Variants in TMEM236 observed in about 807,000 individuals in gnomAD.
TMEM236 encodes transmembrane protein 236.
In TMEM236, 11 loss-of-function variants were observed where a neutral mutation model predicts 14.7. The ratio of observed to expected loss-of-function variants is 0.75; its 90% CI spans 0.47 to 1.24. TMEM236 has a LOEUF of 1.24. Among genes scored for constraint, TMEM236 ranks in the 50% most tolerant of loss-of-function variants. The pLI, the probability that TMEM236 is intolerant of heterozygous loss-of-function variation, is 0.00. For synonymous variants in TMEM236, 182 were observed against 168.6 expected (o/e 1.08, Z -0.62); for missense variants, 464 against 427.3 (o/e 1.09, Z -0.76).
At chr10:17,761,828 G>C (rs941794055) in intron 1 of TMEM236, among the ~76,000 whole-genome samples, 7 of 151,832 alleles carry the variant, frequency 4.6e-5, no homozygotes, top group Admixed American at 3.3e-4. Flanking sequence ...AACTCTTACT[G>C]TTCGTCTTCA....
At chr10:17,786,406 T>G (rs1356937557) in intron 3 of TMEM236, among the ~76,000 whole-genome samples, 2 of 152,240 alleles carry the variant, frequency 1.3e-5, no homozygotes, top group African/African-American at 4.8e-5. Context: ...TTGTCCATGC[T>G]GGAGGGCAGT....
chr10:17,779,026 C>T (rs2436682), intron 3 of TMEM236, among the ~76,000 whole-genome samples: 105,552 of 151,936 alleles, frequency 0.69, 36,587 homozygotes, highest in East Asian at 0.79. Flanking sequence ...CTCTGTAGCA[C>T]GGCAGTCTCA....
chr10:17,752,327 T>A lies in TMEM236; in HGVS notation c.32T>A (p.Val11Asp). The A allele has an allele frequency of 6.2e-7, 1 of 1,613,798 alleles. No homozygotes were observed. The highest frequency in any genetic ancestry group is 8.5e-7 in the Non-Finnish European group (1 of 1,179,810). The change falls in exon 1 of 4, where the codon GTT (valine) becomes GAT (aspartate). Residue 11 changes from valine to aspartate, a missense_variant. Physicochemically the swap from Val to Asp is radical, Grantham distance 152. Coordinates refer to ENST00000377495, the MANE Select transcript of TMEM236 (RefSeq NM_001098844.3). ...TCTGGAAGGCTCATTAAGTTCGTGG[T>A]TTTTGAGCTCCTAGAGTTTGCCGCT... Reference protein sequence around the residue: MASGRLIKFVVFELLEFAAFS... With the variant: MASGRLIKFVDFELLEFAAFS...
At chr10:17,783,683 C>G (rs890440783) in intron 3 of TMEM236, among the ~76,000 whole-genome samples, 7 of 152,174 alleles carry the variant, frequency 4.6e-5, no homozygotes, top group Non-Finnish European at 8.8e-5. Flanking sequence ...AAATTGCTCC[C>G]TCTAAAGAAC....
chr10:17,763,210 G>C (rs1235671745), intron 1 of TMEM236, among the ~76,000 whole-genome samples: 1 of 152,120 alleles, frequency 6.6e-6, no homozygotes, highest in East Asian at 1.9e-4. Context: ...GCACAGACTT[G>C]GTAGGCTGAG....
At chr10:17,763,861 T>C (rs1413547388) in intron 1 of TMEM236, among the ~76,000 whole-genome samples, 3 of 152,122 alleles carry the variant, frequency 2.0e-5, no homozygotes, top group African/African-American at 7.2e-5. Flanking sequence ...ATCTTTCACT[T>C]CCCAGCCACA....
At chr10:17,793,490 T>G (rs1012129496) in intron 3 of TMEM236, among the ~76,000 whole-genome samples, 27,467 of 152,148 alleles carry the variant, frequency 0.18, 3,087 homozygotes, top group Non-Finnish European at 0.24. Context: ...CATTTTTATT[T>G]ATTTTATTTT....
At chr10:17,774,880 C>T (rs887267864) in intron 2 of TMEM236, among the ~76,000 whole-genome samples, 9,957 of 151,602 alleles carry the variant, frequency 0.066, 365 homozygotes, top group Non-Finnish European at 0.081. Context: ...TCACTGCGAC[C>T]TCTGCCTCCT....
chr10:17,785,342 G>T (rs1004693550), intron 3 of TMEM236, among the ~76,000 whole-genome samples: 1 of 152,044 alleles, frequency 6.6e-6, no homozygotes, highest in South Asian at 2.1e-4. Flanking sequence ...TTAAAGCTCC[G>T]CCATAGATTA....
At chr10:17,761,510 T>A (rs1485585640) in intron 1 of TMEM236, among the ~76,000 whole-genome samples, 1 of 151,952 alleles carries the variant, frequency 6.6e-6, no homozygotes, top group Non-Finnish European at 1.5e-5. Flanking sequence ...CTGGCCAACA[T>A]GGTGGAACCC....
rs896663809 is a variant in TMEM236, at chr10:17,796,149, G to A, written c.701G>A (p.Arg234Gln). 14 of 1,613,774 alleles carry A rather than the reference G, an allele frequency of 8.7e-6. 1 individual carries two copies. The highest frequency in any genetic ancestry group is 3.3e-5 in the Admixed American group (2 of 59,982). Residue 234 changes from arginine (R) to glutamine (Q), a missense_variant, in exon 4 of 4, where the codon CGG becomes CAG. By Grantham distance (43) the Arg-to-Gln change is conservative. Transcript: ENST00000377495. ...ILRMMSRRDV[R>Q]AELFLWSFLL... Reference sequence around the variant, plus strand: ...AGAATGATGTCCCGGCGAGATGTCCGGGCAGAGTTATTCTTATGGAGCTTT... The same window carrying A: ...AGAATGATGTCCCGGCGAGATGTCCAGGCAGAGTTATTCTTATGGAGCTTT...
intron 2 of TMEM236, among the ~76,000 whole-genome samples, chr10:17,772,799 C>G (rs1837594649): frequency 6.6e-6 from 1 of 152,100 alleles, no homozygotes; most frequent in Admixed American, 6.5e-5. Context: ...GTATCAGAAA[C>G]CCATTGCTTG....
intron 2 of TMEM236, among the ~76,000 whole-genome samples, chr10:17,773,300 A>T (rs1411012367): frequency 6.6e-6 from 1 of 152,182 alleles, no homozygotes; most frequent in Admixed American, 6.5e-5. Context: ...TATAGAACTC[A>T]CCAGCAGAGA....
rs537094119 is a variant in TMEM236, at chr10:17,760,167, G to A, written c.257+7615G>A. Among the ~76,000 whole-genome samples the A allele has an allele frequency of 2.3e-3, 357 of 152,088 alleles. 1 individual carries two copies. The highest frequency in any genetic ancestry group is 4.6e-3 in the Non-Finnish European group (314 of 67,994). On this transcript the variant is annotated intron_variant, in intron 1 of 3. Coordinates refer to ENST00000377495, the MANE Select transcript of TMEM236 (RefSeq NM_001098844.3). ...CAGCACCTCTGAGAGATCATTAATT[G>A]GTAAGACCCCATTAACTAAACACTG...
rs1838050369 is a variant in TMEM236, at chr10:17,798,519, A to T, written c.*2015A>T. ...ATGCCACTGCACTCCAGACTGGGCA[A>T]CAGAGTGACACCCATCTAAAAAAAA... is the stretch of plus-strand genomic sequence containing the variant. On this transcript the variant is annotated 3_prime_UTR_variant, in exon 4 of 4. Transcript: ENST00000377495. 1.9e-6 allele frequency: 1 copy of T among 532,616 alleles called. No homozygotes were observed. Among genetic ancestry groups the T allele is most frequent in the Non-Finnish European group, 3.9e-6 (1 of 259,232 alleles). The allele number at this position is 532,616 out of a possible 1,614,324, so 33.0% of individuals were successfully genotyped here.
chr10:17,753,607 G>A (rs982477829), intron 1 of TMEM236, among the ~76,000 whole-genome samples: 1 of 152,152 alleles, frequency 6.6e-6, no homozygotes, highest in Non-Finnish European at 1.5e-5. Context: ...CATAGCATTC[G>A]ATAAAGTATA....
chr10:17,755,157 G>T lies in TMEM236; in HGVS notation c.257+2605G>T, dbSNP rs887793387. 4.9e-4 allele frequency among the ~76,000 whole-genome samples: 74 copies of T among 150,918 alleles called. 1 individual carries two copies. The highest frequency in any genetic ancestry group is 1.6e-3 in the African/African-American group (67 of 40,992). On this transcript the variant is annotated intron_variant, in intron 1 of 3. Transcript: ENST00000377495. ...ATAGAGACAGGGTTTCTTCATGTTGGCCATGCTGGTCTTGAATTCCTGACC... is the reference window on the plus strand; with the variant it reads ...ATAGAGACAGGGTTTCTTCATGTTGTCCATGCTGGTCTTGAATTCCTGACC...
intron 1 of TMEM236, among the ~76,000 whole-genome samples, chr10:17,763,851 A>G (rs1052167042): frequency 1.3e-5 from 2 of 152,200 alleles, no homozygotes; most frequent in East Asian, 3.9e-4. Flanking sequence ...ATTAGAATTC[A>G]TCTTTCACTT....
At chr10:17,775,621 C>T (rs1479548660) in intron 2 of TMEM236, among the ~76,000 whole-genome samples, 2 of 152,168 alleles carry the variant, frequency 1.3e-5, no homozygotes, top group Non-Finnish European at 2.9e-5. Flanking sequence ...GGAAGTGTCC[C>T]AAAGTCTAGC....
Sources: gnomAD v4.1 joint callset for allele counts (sites outside exome capture counted in the v4.1 genomes callset) on GRCh38, gnomAD v4.1.1 for gene constraint, MANE v1.5 for transcripts, NCBI Gene and HGNC (gene_info 2026-07-23, HGNC 2026-07-21) for gene names.